EVPL: variants seen among roughly 807,000 people sequenced by gnomAD.
EVPL encodes 210 kDa cornified envelope precursor protein.
EVPL carries 94 observed loss-of-function variants against 129.7 expected under a neutral mutation model. That is an observed-to-expected ratio of 0.72 (90% CI 0.61 to 0.86). The LOEUF is 0.86. EVPL is among the 40% of genes least tolerant of loss of function. The pLI, the probability that EVPL is intolerant of heterozygous loss-of-function variation, is 0.00. For synonymous variants in EVPL, 1,172 were observed against 1,191.1 expected (o/e 0.98, Z 0.33); for missense variants, 2,625 against 2,721.1 (o/e 0.96, Z 0.79).
In EVPL at chr17:76,008,976, T is replaced by C. The variant is rs1359603489; in HGVS notation, c.4229A>G (p.Gln1410Arg). 1.2e-6 allele frequency: 2 copies of C among 1,611,672 alleles called. No individual in the cohort carries two copies. Among genetic ancestry groups the C allele is most frequent in the African/African-American group, 1.3e-5 (1 of 74,914 alleles). Residue 1410 changes from glutamine (Q) to arginine (R), a missense_variant, in exon 22 of 22, where the codon CAG becomes CGG. Coordinates refer to ENST00000301607, the MANE Select transcript of EVPL (RefSeq NM_001988.4). The surrounding 1 kb of genome is among the most constrained non-coding windows in gnomAD (Gnocchi z 7.4). The stretch of plus-strand genomic sequence containing the variant: ...CTCCTCCACGCCGGCCCGCAGCTGC[T>C]GCACCTCAAGCTCTAGCTGGCGCCG... ...GRRRQLELEV[Q>R]QLRAGVEEQE...
chr17:76,024,045 C>A lies in EVPL; in HGVS notation c.174G>T (p.Leu58=). The A allele has an allele frequency of 6.2e-7, 1 of 1,613,824 alleles. No individual in the cohort carries two copies. The highest frequency in any genetic ancestry group is 8.5e-7 in the Non-Finnish European group (1 of 1,179,942). ...ANADQVERDI[L]ETQKRLQQDR... is the part of the protein sequence containing the mutation. ...CCTGCTGCAGCCTCTTCTGCGTCTCCAGGATGTCCCGCTCCACCTGGTCGG... is the reference window on the plus strand; with the variant it reads ...CCTGCTGCAGCCTCTTCTGCGTCTCAAGGATGTCCCGCTCCACCTGGTCGG... The change falls in exon 2 of 22, where the codon CTG becomes CTT. Residue 58 remains leucine (L), a synonymous_variant. Transcript: ENST00000301607. The surrounding 1 kb of genome is among the most constrained non-coding windows in gnomAD (Gnocchi z 4.5).
chr17:76,020,792 A>C (rs2066452159), intron 9 of EVPL, among the ~76,000 whole-genome samples: 1 of 152,060 alleles, frequency 6.6e-6, no homozygotes, highest in African/African-American at 2.4e-5. Flanking sequence ...ACTGGTGTCA[A>C]GCAATTCTCC....
chr17:76,011,405 T>C (rs2066375260), intron 21 of EVPL, 171 bp downstream of exon 21: 7 of 638,626 alleles, frequency 1.1e-5, no homozygotes, highest in Admixed American at 5.1e-5. Flanking sequence ...GAAAACTGGG[T>C]GGCTGGAATC....
rs945545359 is a variant in EVPL, at chr17:76,013,025, T to A, written c.2374-936A>T. Among the ~76,000 whole-genome samples the A allele has an allele frequency of 4.6e-5, 7 of 152,176 alleles. No homozygotes were observed. The highest frequency in any genetic ancestry group is 1.7e-4 in the African/African-American group (7 of 41,448). Reference sequence around the variant, plus strand: ...TCCCAAAGTGCTGGGATTACAGGCGTGAGCCACCGCGCCCGGCCTGAGAAT... The same window carrying A: ...TCCCAAAGTGCTGGGATTACAGGCGAGAGCCACCGCGCCCGGCCTGAGAAT... On this transcript the variant is annotated intron_variant, in intron 18 of 21. Coordinates refer to ENST00000301607, the MANE Select transcript of EVPL (RefSeq NM_001988.4). The surrounding 1 kb of genome is among the most constrained non-coding windows in gnomAD (Gnocchi z 4.3).
At chr17:76,017,346 C>T (rs542948051) in intron 14 of EVPL, among the ~76,000 whole-genome samples, 1 of 152,278 alleles carries the variant, frequency 6.6e-6, no homozygotes, top group African/African-American at 2.4e-5. Context: ...GCTGCAACCT[C>T]CCCAGGTAGG....
At position 76,024,220 on chromosome 17, in the gene EVPL, C is replaced by G. The variant is rs2066484106; in HGVS notation, c.99-100G>C. 1 of 1,108,866 alleles carries G rather than the reference C, an allele frequency of 9.0e-7. No individual in the cohort carries two copies. Among genetic ancestry groups the G allele is most frequent in the Admixed American group, 2.0e-5 (1 of 49,894 alleles). 68.7% of individuals were successfully genotyped at this position (1,108,866 alleles called of 1,614,324 possible). On this transcript the variant is annotated intron_variant, in intron 1 of 21. Coordinates refer to ENST00000301607, the MANE Select transcript of EVPL (RefSeq NM_001988.4). The surrounding 1 kb of genome is among the most constrained non-coding windows in gnomAD (Gnocchi z 4.5). ...CCCTCCCTCCACCCCATCCTGCCCC[C>G]ACAGCCTAGCTCACTGCCCTGACTT...
Position 76,017,895 on chromosome 17 carries a change from G to A in EVPL, c.1554C>T (p.Asp518=), listed in dbSNP as rs753822027. 1.3e-5 allele frequency: 21 copies of A among 1,614,086 alleles called. No individual in the cohort carries two copies. The highest frequency in any genetic ancestry group is 6.7e-5 in the Admixed American group (4 of 60,034). ...RPSQQAPSGS[D]LANPQAQKLL... is the part of the protein sequence containing the mutation. ...GCTTCTGGGCCTGTGGGTTGGCCAG[G>A]TCTGAGCCAGATGGAGCTGGGGGCA... is the stretch of plus-strand genomic sequence containing the variant. The change falls in exon 14 of 22, where the codon GAC becomes GAT. Residue 518 remains aspartate, a synonymous_variant. Coordinates refer to ENST00000301607, the MANE Select transcript of EVPL (RefSeq NM_001988.4).
rs760435876 is a variant in EVPL, at chr17:76,018,529, G to T, written c.1356C>A (p.Gly452=). The T allele has an allele frequency of 6.2e-7, 1 of 1,612,784 alleles. No homozygotes were observed. Among genetic ancestry groups the T allele is most frequent in the South Asian group, 1.1e-5 (1 of 91,050 alleles). Residue 452 remains glycine (G), a synonymous_variant, in exon 12 of 22, where the codon GGC becomes GGA. Coordinates refer to ENST00000301607, the MANE Select transcript of EVPL (RefSeq NM_001988.4). The part of the protein sequence containing the change: ...NTDPHAWVVQ[G]PGGETKRAPA... ...GAGCACGCTTGGTCTCCCCGCCAGG[G>T]CCCTGCACGACCCAGGCGTGCGGGT...
chr17:76,017,946 T>C (rs1318951378), intron 13 of EVPL, 35 bp from the exon 14 acceptor site: 1 of 1,610,322 alleles, frequency 6.2e-7, no homozygotes, highest in East Asian at 2.2e-5. Context: ...GCCCAGGGCC[T>C]ATCTCCAGAC....
In EVPL at chr17:76,017,818, T is replaced by C. The variant is rs779282465; in HGVS notation, c.1631A>G (p.Gln544Arg). 7.4e-6 allele frequency: 12 copies of C among 1,613,840 alleles called. No homozygotes were observed. Among genetic ancestry groups the C allele is most frequent in the Non-Finnish European group, 1.0e-5 (12 of 1,180,034 alleles). The change falls in exon 14 of 22, where the codon CAG becomes CGG. Residue 544 changes from glutamine to arginine, a missense_variant. Gln to Arg is a conservative substitution (Grantham distance 43). Around this residue, in one of 4 missense-constraint regions of EVPL, gnomAD observed 1,024 missense variants for 997.5 expected, o/e 1.03. Coordinates refer to ENST00000301607, the MANE Select transcript of EVPL (RefSeq NM_001988.4). ...LDGDLGQIER[Q>R]VLAWARAPLS... ...CGGGGCCCGCGCCCAGGCCAGCACC[T>C]GCCTCTCTATCTGTCCCAGGTCTCC...
Position 76,008,506 on chromosome 17 carries a change from C to T in EVPL, c.4699G>A (p.Ala1567Thr). 1 of 1,604,172 alleles carries T rather than the reference C, an allele frequency of 6.2e-7. No homozygotes were observed. Among genetic ancestry groups the T allele is most frequent in the Non-Finnish European group, 8.5e-7 (1 of 1,178,832 alleles). The change falls in exon 22 of 22, where the codon GCC becomes ACC. Residue 1567 changes from alanine (A) to threonine (T), a missense_variant. Physicochemically the swap from Ala to Thr is moderately conservative, Grantham distance 58. Transcript: ENST00000301607. This position sits in a 1 kb window ranked among gnomAD's most constrained non-coding sequence, Gnocchi z 7.4. ...GACCAGGTTCTCCCCAGCGTCTCGG[C>T]CCGGTCAATGCGCTCCCGCAGGCGC... ...ARRLRERIDR[A>T]ETLGRTWSRE...
In EVPL at chr17:76,015,244, T is replaced by A; in HGVS notation, c.2011A>T (p.Arg671Trp). 3 of 1,597,822 alleles carry A rather than the reference T, an allele frequency of 1.9e-6. No homozygotes were observed. Among genetic ancestry groups the A allele is most frequent in the Non-Finnish European group, 2.6e-6 (3 of 1,175,994 alleles). Residue 671 changes from arginine to tryptophan, a missense_variant, in exon 16 of 22, where the codon AGG (arginine) becomes TGG (tryptophan). Transcript: ENST00000301607. ...IPAEPGALQE[R>W]VSELQRQRRE... ...TCCCTTACCTGCAGCTCGCTGACCCTCTCCTGCAGAGCCCCCGGTTCAGCA... is the reference window on the plus strand; with the variant it reads ...TCCCTTACCTGCAGCTCGCTGACCCACTCCTGCAGAGCCCCCGGTTCAGCA...
Position 76,015,114 on chromosome 17 carries a change from A to T in EVPL, c.2029-5T>A, listed in dbSNP as rs759452296. 1 of 1,572,014 alleles carries T rather than the reference A, an allele frequency of 6.4e-7. No homozygotes were observed. Among genetic ancestry groups the T allele is most frequent in the Admixed American group, 1.7e-5 (1 of 59,366 alleles). On this transcript the variant is annotated splice_polypyrimidine_tract_variant and splice_region_variant and intron_variant, in intron 16 of 21. Transcript: ENST00000301607. The stretch of plus-strand genomic sequence containing the variant: ...CAGCAGCTCCCTCCGCTGGCGCTGC[A>T]GGAGGAGGGGACGCAGCCGTGCACC...
chr17:76,014,317 G>A (rs1006956452), intron 18 of EVPL, 109 bp downstream of exon 18: 13 of 1,404,664 alleles, frequency 9.3e-6, no homozygotes, highest in Non-Finnish European at 1.1e-5. Context: ...GCCAGGGAAG[G>A]GGCCCAGGGC....
intron 10 of EVPL, 108 bp from the exon 11 acceptor site, chr17:76,019,168 G>A (rs1248808139): frequency 8.1e-7 from 1 of 1,233,040 alleles, no homozygotes; most frequent in East Asian, 3.0e-5. Flanking sequence ...TGAAGGCAGG[G>A]GTCTCTAAGT....
In EVPL at chr17:76,024,175, C is replaced by A. The variant is rs2066483743; in HGVS notation, c.99-55G>T. 1 of 1,550,196 alleles carries A rather than the reference C, an allele frequency of 6.5e-7. No individual in the cohort carries two copies. Among genetic ancestry groups the A allele is most frequent in the Non-Finnish European group, 8.8e-7 (1 of 1,133,916 alleles). On this transcript the variant is annotated intron_variant, in intron 1 of 21. Transcript: ENST00000301607. This position sits in a 1 kb window ranked among gnomAD's most constrained non-coding sequence, Gnocchi z 4.5. The stretch of plus-strand genomic sequence containing the variant: ...CGGTGGAAGAGGCCCCTCTGTGCCC[C>A]ATCCAGGTGGCATCCCCTGCCCTCC...
At chr17:76,018,371 G>C in intron 12 of EVPL, 75 bp downstream of exon 12, 1 of 1,534,162 alleles carries the variant, frequency 6.5e-7, no homozygotes, top group Non-Finnish European at 8.8e-7. Context: ...GGTCTGTTGG[G>C]CCATGGGCTT....
Position 76,018,144 on chromosome 17 carries a change from C to CTGCT in EVPL, c.1537+16_1537+17insAGCA. 6.4e-7 allele frequency: 1 copy of CTGCT among 1,550,854 alleles called. No individual in the cohort carries two copies. Among genetic ancestry groups the CTGCT allele is most frequent in the Non-Finnish European group, 8.7e-7 (1 of 1,146,808 alleles). On this transcript the variant is annotated intron_variant, in intron 13 of 21. Transcript: ENST00000301607. ...TTCTAGCCCCACAGCCACCTCTCCC[C>CTGCT]GGGCCACCCTGGGTACCCTGCTGGC...
intron 8 of EVPL, 33 bp from the exon 9 acceptor site, chr17:76,021,596 G>GCCCCCCCCCCCCCGGCCCCCCCCCCC: frequency 7.3e-7 from 1 of 1,378,756 alleles, no homozygotes; most frequent in Non-Finnish European, 9.8e-7. Flanking sequence ...CTCGGACCAC[G>GCCCCCCCCCCCCCGGCCCCCCCCCCC]CCCCCCCCAC....
Sources: allele counts gnomAD v4.1 joint callset (sites outside exome capture counted in the v4.1 genomes callset), GRCh38; gene constraint gnomAD v4.1.1; regional missense constraint gnomAD v4.1.1; non-coding constraint Gnocchi (gnomAD v3.1); transcripts MANE v1.5; gene names NCBI Gene and HGNC (gene_info 2026-07-23, HGNC 2026-07-21).